The following AMOTL1 variants were observed in gnomAD, a reference collection of about 807,000 sequenced individuals.
The protein encoded by AMOTL1 is angiomotin like 1, also known as angiomotin-like protein 1.
AMOTL1 carries 45 observed loss-of-function variants against 102.9 expected under a neutral mutation model. The observed-to-expected ratio is 0.44, with a 90% CI of 0.34 to 0.56. The LOEUF is 0.56. Among genes scored for constraint, AMOTL1 ranks in the 20% least tolerant of loss-of-function variants. The pLI, the probability that AMOTL1 is intolerant of heterozygous loss-of-function variation, is 0.01. For synonymous variants in AMOTL1, 481 were observed against 484.7 expected, an observed-to-expected ratio of 0.99 and a Z score of 0.10; for missense variants, 1,114 against 1,225.6, an observed-to-expected ratio of 0.91 and a Z score of 1.36.
At chr11:94,783,596 AG>A (rs1181753966) in intron 1 of AMOTL1, among the ~76,000 whole-genome samples, 1 of 152,200 alleles carries the variant, frequency 6.6e-6, no homozygotes, top group Non-Finnish European at 1.5e-5. Flanking sequence ...AGAAAGAAGT[AG>A]GTATAGCCCC....
chr11:94,743,428 G>A (rs1197741551), intron 3 of AMOTL1, among the ~76,000 whole-genome samples: 1 of 152,070 alleles, frequency 6.6e-6, no homozygotes, highest in African/African-American at 2.4e-5. Context: ...ATGCTATTCA[G>A]GTCAAAGACG....
intron 12 of AMOTL1, among the ~76,000 whole-genome samples, 199 bp downstream of exon 12, chr11:94,869,672 A>G (rs555797080): frequency 6.6e-6 from 1 of 152,354 alleles, no homozygotes; most frequent in African/African-American, 2.4e-5. Flanking sequence ...CTAGTTTATT[A>G]CTATTTGAAA....
At chr11:94,860,100 C>T (rs190063042) in intron 9 of AMOTL1, among the ~76,000 whole-genome samples, 1 of 152,280 alleles carries the variant, frequency 6.6e-6, no homozygotes, top group African/African-American at 2.4e-5. Flanking sequence ...GAATACTGTG[C>T]AATCACCAAG....
rs1196753702 is a variant in AMOTL1, at chr11:94,870,825, A to G, written c.*30A>G. ...CATCCCTGTGGAATTTCAGTACAGAACACTGACAAACAAGGAAAGCGGCAG... is the reference window on the plus strand; with the variant it reads ...CATCCCTGTGGAATTTCAGTACAGAGCACTGACAAACAAGGAAAGCGGCAG... On this transcript the variant is annotated 3_prime_UTR_variant, in exon 13 of 13. Coordinates refer to ENST00000433060, the MANE Select transcript of AMOTL1 (RefSeq NM_130847.3). 6.6e-7 allele frequency: 1 copy of G among 1,521,322 alleles called. No homozygotes were observed. The highest frequency in any genetic ancestry group is 8.9e-7 in the Non-Finnish European group (1 of 1,120,074). 94.2% of individuals were successfully genotyped at this position (1,521,322 alleles called of 1,614,324 possible). A position where few individuals can be genotyped will look rare whatever the true frequency, so the allele number is the denominator to read the frequency against.
chr11:94,722,066 C>T (rs1565326965), intron 1 of AMOTL1, among the ~76,000 whole-genome samples: 1 of 152,216 alleles, frequency 6.6e-6, no homozygotes, highest in East Asian at 1.9e-4. Context: ...CCTGGGGTTT[C>T]CCAACCTCCC....
chr11:94,714,028 G>A (rs959509400), intron 1 of AMOTL1, among the ~76,000 whole-genome samples: 4 of 151,908 alleles, frequency 2.6e-5, no homozygotes, highest in Non-Finnish European at 4.4e-5. Flanking sequence ...CAGATGTTTT[G>A]TAGAGGTTCT....
intron 2 of AMOTL1, 80 bp downstream of exon 2, chr11:94,795,240 A>C (rs1025073153): frequency 6.6e-7 from 1 of 1,508,066 alleles, no homozygotes; most frequent in South Asian, 1.2e-5. Context: ...TGCATAATTC[A>C]GATGTTTATT....
chr11:94,824,970 C>A (rs1006324289), intron 4 of AMOTL1, among the ~76,000 whole-genome samples: 6 of 152,114 alleles, frequency 3.9e-5, no homozygotes, highest in Non-Finnish European at 7.3e-5. Context: ...AAAATCCCAG[C>A]CTAGATATGA....
intron 2 of AMOTL1, among the ~76,000 whole-genome samples, chr11:94,798,059 C>T (rs1951401457): frequency 6.6e-6 from 1 of 152,072 alleles, no homozygotes; most frequent in Non-Finnish European, 1.5e-5. Flanking sequence ...TTGGAATGAC[C>T]TGGGTATGTG....
At position 94,875,365 on chromosome 11, in the gene AMOTL1, G is replaced by A. The variant is rs900945547; in HGVS notation, c.*4570G>A. The A allele has an allele frequency of 3.3e-5, 5 of 152,072 alleles. No homozygotes were observed. Among genetic ancestry groups the A allele is most frequent in the Admixed American group, 3.3e-4 (5 of 15,276 alleles). The allele number at this position is 152,072 out of a possible 1,614,324, so 9.4% of individuals were successfully genotyped here. A position where few individuals can be genotyped will look rare whatever the true frequency, so the allele number is the denominator to read the frequency against. ...CCTTTTCTCACTTAGTAATTTAATG[G>A]TATATAAAGACATGTGTATAAGTGA... On this transcript the variant is annotated 3_prime_UTR_variant, in exon 13 of 13. Coordinates refer to ENST00000433060, the MANE Select transcript of AMOTL1 (RefSeq NM_130847.3).
At chr11:94,727,705 G>A (rs920348975) in intron 1 of AMOTL1, among the ~76,000 whole-genome samples, 17 of 152,078 alleles carry the variant, frequency 1.1e-4, no homozygotes, top group African/African-American at 3.6e-4. Flanking sequence ...TAAGTCTAAC[G>A]TTCTCACTAT....
At chr11:94,822,864 C>T (rs1182506306) in intron 4 of AMOTL1, among the ~76,000 whole-genome samples, 1 of 152,130 alleles carries the variant, frequency 6.6e-6, no homozygotes, top group Non-Finnish European at 1.5e-5. Flanking sequence ...TAGGGCAGGA[C>T]AGCCATAGAG....
chr11:94,869,282 C>T lies in AMOTL1; in HGVS notation c.2573C>T (p.Ala858Val). The T allele has an allele frequency of 6.2e-7, 1 of 1,613,146 alleles. No homozygotes were observed. Among genetic ancestry groups the T allele is most frequent in the Non-Finnish European group, 8.5e-7 (1 of 1,179,606 alleles). ...PPPTSALSSI[A>V]STTAASSAHA... ...CCCACCTCAGCACTGTCCTCCATAG[C>T]CTCCACTACGGCAGCCAGCAGTGCC... Residue 858 changes from alanine to valine, a missense_variant, in exon 12 of 13, where the codon GCC becomes GTC. Coordinates refer to ENST00000433060, the MANE Select transcript of AMOTL1 (RefSeq NM_130847.3).
chr11:94,809,304 T>A (rs914623479), intron 3 of AMOTL1, among the ~76,000 whole-genome samples: 6 of 152,186 alleles, frequency 3.9e-5, no homozygotes, highest in Non-Finnish European at 8.8e-5. Context: ...TGTTTTACCC[T>A]TAGAGTACAT....
At chr11:94,748,300 T>C (rs887614397) in intron 3 of AMOTL1, among the ~76,000 whole-genome samples, 3 of 152,222 alleles carry the variant, frequency 2.0e-5, no homozygotes, top group Admixed American at 1.3e-4. Context: ...GCTTCTACTA[T>C]CACATCCGCA....
intron 1 of AMOTL1, among the ~76,000 whole-genome samples, chr11:94,712,762 A>C (rs1052598582): frequency 4.6e-5 from 7 of 151,884 alleles, no homozygotes; most frequent in African/African-American, 7.2e-5. Flanking sequence ...TGGTTTGCAG[A>C]TATTCTCTCC....
At position 94,850,246 on chromosome 11, in the gene AMOTL1, A is replaced by C; in HGVS notation, c.1781A>C (p.Lys594Thr). The C allele has an allele frequency of 1.9e-6, 3 of 1,595,318 alleles. No homozygotes were observed. The highest frequency in any genetic ancestry group is 1.1e-5 in the South Asian group (1 of 87,240). The change falls in exon 7 of 13, where the codon AAG (lysine) becomes ACG (threonine). Residue 594 changes from lysine to threonine, a missense_variant. Physicochemically the swap from Lys to Thr is moderately conservative, Grantham distance 78 (BLOSUM62 -1). Transcript: ENST00000433060. Reference sequence around the variant, plus strand: ...AGCAACGCCCAGGCCAGGGTCATCAAGCTGGAAGAGGAGGTGAGACCAGGC... The same window carrying C: ...AGCAACGCCCAGGCCAGGGTCATCACGCTGGAAGAGGAGGTGAGACCAGGC... Reference protein sequence around the residue: ...ALSNAQARVIKLEEELREKQA... With the variant: ...ALSNAQARVITLEEELREKQA...
At chr11:94,866,458 A>G in intron 11 of AMOTL1, 1 of 415,252 alleles carries the variant, frequency 2.4e-6, no homozygotes, top group Non-Finnish European at 4.5e-6. Flanking sequence ...GCTCTCATAG[A>G]AAAGCCTAGA....
chr11:94,739,501 A>G (rs1950486461), intron 2 of AMOTL1, among the ~76,000 whole-genome samples: 1 of 152,166 alleles, frequency 6.6e-6, no homozygotes, highest in Admixed American at 6.5e-5. Context: ...GTAAACCAAA[A>G]ACTGACAGTG....
Sources: allele counts gnomAD v4.1 joint callset (sites outside exome capture counted in the v4.1 genomes callset), GRCh38; gene constraint gnomAD v4.1.1; transcripts MANE v1.5; gene names NCBI Gene and HGNC (gene_info 2026-07-23, HGNC 2026-07-21).